The following PLCD1 variants were observed in gnomAD, a reference collection of about 807,000 sequenced individuals.
PLCD1 encodes the protein phospholipase C delta 1.
Under a neutral mutation model 87.4 loss-of-function variants are expected in PLCD1, and 71 were observed. That is an observed-to-expected ratio of 0.81 (90% CI 0.67 to 0.99). The LOEUF (loss-of-function observed/expected upper bound fraction) is 0.99. Ranked by LOEUF, PLCD1 falls within the 50% of genes least tolerant of loss-of-function variation. PLCD1 has a pLI of 0.00. For synonymous variants in PLCD1, 348 were observed against 399.2 expected, an observed-to-expected ratio of 0.87 and a Z score of 1.53; for missense variants, 867 against 1,001.5, an observed-to-expected ratio of 0.87 and a Z score of 1.81.
In PLCD1 at chr3:38,011,244, G is replaced by A. The variant is rs775387415; in HGVS notation, c.760C>T (p.Leu254Phe). 1.1e-5 allele frequency: 18 copies of A among 1,610,526 alleles called. No individual in the cohort carries two copies. Among genetic ancestry groups the A allele is most frequent in the Non-Finnish European group, 1.5e-5 (18 of 1,179,768 alleles). ...EAAGPALALS[L>F]IERYEPSETA... ...TCGCTGGGCTCGTAGCGCTCAATGA[G>A]GGAGAGGGCCAGCGCAGGCCCTGCC... is the stretch of plus-strand genomic sequence containing the variant. Residue 254 changes from leucine (L) to phenylalanine (F), a missense_variant, in exon 5 of 15, where the codon CTC becomes TTC. Transcript: ENST00000334661.
At position 38,018,352 on chromosome 3, in the gene PLCD1, C is replaced by T. The variant is rs1700187280; in HGVS notation, c.200-1633G>A. Among the ~76,000 whole-genome samples, 1 of 151,964 alleles carries T rather than the reference C, an allele frequency of 6.6e-6. No individual in the cohort carries two copies. The highest frequency in any genetic ancestry group is 2.1e-4 in the South Asian group (1 of 4,822). On this transcript the variant is annotated intron_variant, in intron 2 of 14. Transcript: ENST00000334661. This position sits in a 1 kb window ranked among gnomAD's most constrained non-coding sequence, Gnocchi z 5.7. Reference sequence around the variant, plus strand: ...CTCCATACCTGCGCACACCTGGCTCCCTGACCCTGGACCTGGCTCCCTGCA... The same window carrying T: ...CTCCATACCTGCGCACACCTGGCTCTCTGACCCTGGACCTGGCTCCCTGCA...
intron 1 of PLCD1, among the ~76,000 whole-genome samples, chr3:38,020,859 C>T (rs550743196): frequency 5.0e-4 from 76 of 152,328 alleles, no homozygotes; most frequent in African/African-American, 1.8e-3. Context: ...TGGAGCCAAA[C>T]AACGTCCCAA....
At position 38,028,363 on chromosome 3, in the gene PLCD1, T is replaced by C. The variant is rs1484364499; in HGVS notation, c.34+1143A>G. 2.0e-5 allele frequency among the ~76,000 whole-genome samples: 3 copies of C among 152,170 alleles called. No homozygotes were observed. In the East Asian group the frequency reaches 5.8e-4, roughly 29 times the overall value. On this transcript the variant is annotated intron_variant, in intron 1 of 14. Coordinates refer to ENST00000334661, the MANE Select transcript of PLCD1 (RefSeq NM_006225.4). ...CAACAGCTCTGGGCACAGAGCAAGG[T>C]CTCTCTGGGCCAGGAGGACCAGGTC...
rs569569095 is a variant in PLCD1, at chr3:38,015,387, T to C, written c.428+1104A>G. ...AACATGCCCAGAACAGGAAAGTGTATAGAGGCAGAAAGTAGATTAGTGGCT... is the reference window on the plus strand; with the variant it reads ...AACATGCCCAGAACAGGAAAGTGTACAGAGGCAGAAAGTAGATTAGTGGCT... On this transcript the variant is annotated intron_variant, in intron 3 of 14. Transcript: ENST00000334661. Among the ~76,000 whole-genome samples the C allele has an allele frequency of 2.0e-5, 3 of 152,220 alleles. No homozygotes were observed. In the East Asian group the frequency reaches 5.8e-4, roughly 29 times the overall value.
rs7627748 is a variant in PLCD1, at chr3:38,025,383, T to C, written c.34+4123A>G. Among the ~76,000 whole-genome samples the C allele has an allele frequency of 0.69, 104,342 of 152,144 alleles. 36,130 individuals are homozygous for C. Among genetic ancestry groups the C allele is most frequent in the African/African-American group, 0.77 (31,817 of 41,538 alleles). ...GAGGGGAGTCCCAGTGGGAGGTGGATGGCAGTCTAGCGGGGACCTGAGTGG... is the reference window on the plus strand; with the variant it reads ...GAGGGGAGTCCCAGTGGGAGGTGGACGGCAGTCTAGCGGGGACCTGAGTGG... On this transcript the variant is annotated intron_variant, in intron 1 of 14. Transcript: ENST00000334661. The surrounding 1 kb of genome is among the most constrained non-coding windows in gnomAD (Gnocchi z 4.0).
rs1353566698 is a variant in PLCD1, at chr3:38,016,648, C to T, written c.271G>A (p.Val91Met). Reference sequence around the variant, plus strand: ...ATGGAGAAGCAGCGGTCCTCGGGCACATCACGGGCGAACTTCTCCAGACCC... The same window carrying T: ...ATGGAGAAGCAGCGGTCCTCGGGCATATCACGGGCGAACTTCTCCAGACCC... The part of the protein sequence containing the change: ...TEGLEKFARD[V>M]PEDRCFSIVF... The change falls in exon 3 of 15, where the codon GTG becomes ATG. Residue 91 changes from valine to methionine, a missense_variant. Transcript: ENST00000334661. 6.2e-7 allele frequency: 1 copy of T among 1,603,380 alleles called. No homozygotes were observed. The highest frequency in any genetic ancestry group is 8.5e-7 in the Non-Finnish European group (1 of 1,174,718).
At chr3:38,024,328 G>T (rs1379215359) in intron 1 of PLCD1, 1 of 1,610,978 alleles carries the variant, frequency 6.2e-7, no homozygotes, top group Non-Finnish European at 8.5e-7. Flanking sequence ...AGTGCTCTGC[G>T]CCCCTTACCC....
At chr3:38,021,223 A>T (rs1434909956) in intron 1 of PLCD1, among the ~76,000 whole-genome samples, 1 of 152,186 alleles carries the variant, frequency 6.6e-6, no homozygotes, top group Non-Finnish European at 1.5e-5. Flanking sequence ...AGTGCACTGT[A>T]GCCTGTGTTT....
Position 38,029,623 on chromosome 3 carries a change from T to C in PLCD1, c.-84A>G. 7.4e-7 allele frequency: 1 copy of C among 1,342,516 alleles called. No individual in the cohort carries two copies. The highest frequency in any genetic ancestry group is 1.0e-6 in the Non-Finnish European group (1 of 975,628). The allele number at this position is 1,342,516 out of a possible 1,614,324, so 83.2% of individuals were successfully genotyped here. ...CCGGCGGCCTGGGGTCCGAGCGGAG[T>C]GCGGTGCAGGGACCTGAATGGACCG... On this transcript the variant is annotated 5_prime_UTR_variant, in exon 1 of 15. Coordinates refer to ENST00000334661, the MANE Select transcript of PLCD1 (RefSeq NM_006225.4).
At chr3:38,011,184 G>C in intron 5 of PLCD1, 30 bp downstream of exon 5, 4 of 1,535,942 alleles carry the variant, frequency 2.6e-6, no homozygotes, top group Non-Finnish European at 3.6e-6. Context: ...CCCTGCGACT[G>C]CAGGTAGCAG....
intron 1 of PLCD1, chr3:38,024,389 G>A: frequency 6.2e-7 from 1 of 1,612,852 alleles, no homozygotes. Flanking sequence ...CCTGCAGGTA[G>A]AGCTCCCTGG....
chr3:38,011,296 G>A lies in PLCD1; in HGVS notation c.708C>T (p.Phe236=), dbSNP rs1227592672. 1 of 1,612,024 alleles carries A rather than the reference G, an allele frequency of 6.2e-7. No individual in the cohort carries two copies. Among genetic ancestry groups the A allele is most frequent in the Non-Finnish European group, 8.5e-7 (1 of 1,180,038 alleles). Residue 236 remains phenylalanine (F), a synonymous_variant, in exon 5 of 15, where the codon TTC becomes TTT. Transcript: ENST00000334661. ...CCTCCTCCCGCTGCTGGTGCTGCAG[G>A]AACGTCACTAACTGATCCACCGACA... ...ETLSVDQLVT[F]LQHQQREEAA...
intron 2 of PLCD1, among the ~76,000 whole-genome samples, 198 bp from the exon 3 acceptor site, chr3:38,016,917 G>T (rs1700165524): frequency 6.6e-6 from 1 of 152,150 alleles, no homozygotes; most frequent in Non-Finnish European, 1.5e-5. Context: ...GAGAAAGGAA[G>T]ACAGAAACTG....
intron 2 of PLCD1, among the ~76,000 whole-genome samples, chr3:38,019,253 T>C (rs537263144): frequency 1.3e-5 from 2 of 152,304 alleles, no homozygotes; most frequent in South Asian, 4.1e-4. Context: ...ATGATCTATA[T>C]GCACTGTCCA....
rs916249770 is a variant in PLCD1, at chr3:38,007,500, T to G, written c.*273A>C. The G allele has an allele frequency of 6.3e-6, 4 of 631,836 alleles. No homozygotes were observed. The highest frequency in any genetic ancestry group is 1.6e-5 in the South Asian group (1 of 63,462). The allele number at this position is 631,836 out of a possible 1,614,324, so 39.1% of individuals were successfully genotyped here. On this transcript the variant is annotated 3_prime_UTR_variant, in exon 15 of 15. Transcript: ENST00000334661. The stretch of plus-strand genomic sequence containing the variant: ...CAGGTAAAGAGACCACAAGGCTTAA[T>G]CTTATCGTGATTTTTATAAAAATCC...
rs1700082227 is a variant in PLCD1 at position 38,011,785 on chromosome 3, C to T, written c.429-112G>A. The T allele has an allele frequency of 7.1e-6, 7 of 981,734 alleles. No individual in the cohort carries two copies. The East Asian group carries it at 1.7e-4, about 24-fold the overall frequency. The allele number at this position is 981,734 out of a possible 1,614,324, so 60.8% of individuals were successfully genotyped here. On this transcript the variant is annotated intron_variant, in intron 3 of 14. Transcript: ENST00000334661. ...CCTATAGCCACAGCTCCCTGCAGGC[C>T]TGACTTACTACACATCCATGTTTCA...
In PLCD1 at chr3:38,009,023, A is replaced by G; in HGVS notation, c.1723+19T>C. The G allele has an allele frequency of 1.6e-5, 26 of 1,592,988 alleles. No homozygotes were observed. Among genetic ancestry groups the G allele is most frequent in the Non-Finnish European group, 2.2e-5 (25 of 1,162,186 alleles). On this transcript the variant is annotated intron_variant, in intron 11 of 14. Coordinates refer to ENST00000334661, the MANE Select transcript of PLCD1 (RefSeq NM_006225.4). ...TGAAACCCTCCTCCAGGCCTCCTCC[A>G]GCCCCAGCCAGCCCATACCGATCTG...
In PLCD1 at chr3:38,025,965, TA is replaced by T; in HGVS notation, c.34+3540del. ...AATAACAAGAAACTGAAGCGCAGAGTAACTTGCCTAAGGTCATATCAGAGAG... is the reference window on the plus strand; with the variant it reads ...AATAACAAGAAACTGAAGCGCAGAGTACTTGCCTAAGGTCATATCAGAGAG... On this transcript the variant is annotated intron_variant, in intron 1 of 14. Coordinates refer to ENST00000334661, the MANE Select transcript of PLCD1 (RefSeq NM_006225.4). The surrounding 1 kb of genome is among the most constrained non-coding windows in gnomAD (Gnocchi z 4.0). Among the ~76,000 whole-genome samples, 1 of 152,192 alleles carries T rather than the reference TA, an allele frequency of 6.6e-6. No individual in the cohort carries two copies. The highest frequency in any genetic ancestry group is 2.1e-4 in the South Asian group (1 of 4,838).
intron 1 of PLCD1, among the ~76,000 whole-genome samples, chr3:38,023,875 G>A (rs1171895149): frequency 6.7e-6 from 1 of 149,516 alleles, no homozygotes; most frequent in Non-Finnish European, 1.5e-5. Context: ...ACTGTACAGT[G>A]GCCCCACCAC....
Sources: allele counts gnomAD v4.1 joint callset (sites outside exome capture counted in the v4.1 genomes callset), GRCh38; gene constraint gnomAD v4.1.1; non-coding constraint Gnocchi (gnomAD v3.1); transcripts MANE v1.5; gene names NCBI Gene and HGNC (gene_info 2026-07-23, HGNC 2026-07-21).